Variants in SLC23A2 observed in about 807,000 individuals in gnomAD.
The protein encoded by SLC23A2 is solute carrier family 23 member 2.
SLC23A2 carries 36 observed loss-of-function variants against 73.3 expected under a neutral mutation model. The ratio of observed to expected loss-of-function variants is 0.49; its 90% CI spans 0.38 to 0.65. The LOEUF (loss-of-function observed/expected upper bound fraction) is 0.65, where lower values mean the gene tolerates loss of function less well. SLC23A2 is among the 30% of genes least tolerant of loss of function. The pLI is 0.00. For synonymous variants in SLC23A2, 343 were observed against 327.3 expected (o/e 1.05, Z -0.52); for missense variants, 507 against 841.6 (o/e 0.60, Z 4.92).
Position 4,902,351 on chromosome 20 carries a change from C to A in SLC23A2, c.324+91G>T. On this transcript the variant is annotated intron_variant, in intron 5 of 16. Transcript: ENST00000338244. The surrounding 1 kb of genome is among the most constrained non-coding windows in gnomAD (Gnocchi z 4.0). ...GGAATTTATAAAAGTCTTCAATAAA[C>A]AAAAACCAAAGTGGAATTTTTAAAC... 1 of 760,958 alleles carries A rather than the reference C, an allele frequency of 1.3e-6. No homozygotes were observed. The highest frequency in any genetic ancestry group is 2.4e-5 in the Admixed American group (1 of 41,002). 47.1% of individuals were successfully genotyped at this position (760,958 alleles called of 1,614,324 possible).
rs1930290763 is a variant in SLC23A2 at position 4,868,323 on chromosome 20, C to T, written c.1251-448G>A. Among the ~76,000 whole-genome samples, 1 of 152,184 alleles carries T rather than the reference C, an allele frequency of 6.6e-6. No individual in the cohort carries two copies. Among genetic ancestry groups the T allele is most frequent in the Non-Finnish European group, 1.5e-5 (1 of 68,038 alleles). ...CCTGACCTCAGGGTGATCCGCCTGC[C>T]TCAGCCTCCCAAAATGTTGGGATTA... On this transcript the variant is annotated intron_variant, in intron 12 of 16. Transcript: ENST00000338244. This position sits in a 1 kb window ranked among gnomAD's most constrained non-coding sequence, Gnocchi z 4.4.
chr20:4,977,388 T>A (rs1407524790), intron 1 of SLC23A2, among the ~76,000 whole-genome samples: 4 of 152,028 alleles, frequency 2.6e-5, no homozygotes, highest in African/African-American at 7.2e-5. Context: ...TATTTTTTTT[T>A]AATAAAGACA....
Position 4,852,690 on chromosome 20 carries a change from C to G in SLC23A2, c.*4282G>C, listed in dbSNP as rs1402520334. On this transcript the variant is annotated 3_prime_UTR_variant, in exon 17 of 17. Transcript: ENST00000338244. This position sits in a 1 kb window ranked among gnomAD's most constrained non-coding sequence, Gnocchi z 4.3. ...ATAGGCATCCCCACTGTTTTAAGAA[C>G]AGTCAGAAATGTATTAAGGTGTCAA... 6.6e-6 allele frequency: 1 copy of G among 152,406 alleles called. No homozygotes were observed. Among genetic ancestry groups the G allele is most frequent in the African/African-American group, 2.4e-5 (1 of 41,414 alleles). 9.4% of individuals were successfully genotyped at this position (152,406 alleles called of 1,614,324 possible).
At chr20:4,877,180 TAAA>T (rs1930693053) in intron 9 of SLC23A2, among the ~76,000 whole-genome samples, 1 of 151,884 alleles carries the variant, frequency 6.6e-6, no homozygotes, top group Non-Finnish European at 1.5e-5. Flanking sequence ...AATAAATAAA[TAAA>T]TAAATAAAAA....
intron 15 of SLC23A2, among the ~76,000 whole-genome samples, chr20:4,860,432 T>A (rs1473169820): frequency 6.6e-6 from 1 of 152,202 alleles, no homozygotes; most frequent in Non-Finnish European, 1.5e-5. Context: ...ATCTCACTGT[T>A]TAAAATGTCC....
At chr20:4,907,138 C>T (rs4813723) in intron 4 of SLC23A2, among the ~76,000 whole-genome samples, 64,885 of 151,996 alleles carry the variant, frequency 0.43, 14,432 homozygotes, top group East Asian at 0.53. Context: ...TACCACACAG[C>T]GATCAAGGAA....
intron 2 of SLC23A2, among the ~76,000 whole-genome samples, chr20:4,958,016 G>A (rs2087320285): frequency 6.6e-6 from 1 of 152,094 alleles, no homozygotes; most frequent in South Asian, 2.1e-4. Context: ...AATGTGTGCT[G>A]ACAAGCACAT....
intron 13 of SLC23A2, among the ~76,000 whole-genome samples, chr20:4,864,572 G>T (rs1414727911): frequency 6.6e-6 from 1 of 152,230 alleles, no homozygotes; most frequent in Non-Finnish European, 1.5e-5. Context: ...TTTACTAATG[G>T]CCCTATCTTC....
In SLC23A2 at chr20:4,887,418, G is replaced by A. The variant is rs567186582; in HGVS notation, c.483-1509C>T. Among the ~76,000 whole-genome samples the A allele has an allele frequency of 4.6e-4, 70 of 152,322 alleles. 1 individual carries two copies. The East Asian group carries it at 8.9e-3, about 19-fold the overall frequency. On this transcript the variant is annotated intron_variant, in intron 6 of 16. Transcript: ENST00000338244. The stretch of plus-strand genomic sequence containing the variant: ...TCAGACTTCAACCAGTGCATCCTAG[G>A]GCAGTGGAATACAAATGGTGAATTG...
At chr20:4,992,198 T>C (rs1319754693) in intron 1 of SLC23A2, among the ~76,000 whole-genome samples, 1 of 152,136 alleles carries the variant, frequency 6.6e-6, no homozygotes, top group Non-Finnish European at 1.5e-5. Context: ...AAGCCTACTA[T>C]AAAGTGATTT....
At chr20:4,996,616 G>T (rs1285742474) in intron 1 of SLC23A2, among the ~76,000 whole-genome samples, 3 of 144,458 alleles carry the variant, frequency 2.1e-5, no homozygotes, top group African/African-American at 7.9e-5. Flanking sequence ...AACCCGGGAG[G>T]CAGAAGTTGC....
In SLC23A2 at chr20:4,855,157, G is replaced by A. The variant is rs909461361; in HGVS notation, c.*1815C>T. 6.6e-6 allele frequency: 1 copy of A among 152,566 alleles called. No individual in the cohort carries two copies. Among genetic ancestry groups the A allele is most frequent in the Non-Finnish European group, 1.5e-5 (1 of 68,024 alleles). 9.5% of individuals were successfully genotyped at this position (152,566 alleles called of 1,614,324 possible). ...AAGTTTTTGGCAAAACAATGCAGTG[G>A]CTCCGAGGTGTTCTTGCCAGAATAA... On this transcript the variant is annotated 3_prime_UTR_variant, in exon 17 of 17. Coordinates refer to ENST00000338244, the MANE Select transcript of SLC23A2 (RefSeq NM_005116.6).
At chr20:4,916,376 C>T (rs1479790533) in intron 3 of SLC23A2, among the ~76,000 whole-genome samples, 1 of 152,212 alleles carries the variant, frequency 6.6e-6, no homozygotes, top group Non-Finnish European at 1.5e-5. Flanking sequence ...CCTTCACCTG[C>T]ATTTATCTCG....
chr20:4,968,211 T>C (rs1464004546), intron 2 of SLC23A2, among the ~76,000 whole-genome samples: 2 of 152,116 alleles, frequency 1.3e-5, no homozygotes, highest in Non-Finnish European at 2.9e-5. Context: ...TTGTCAGGAA[T>C]GACTTTTAGG....
chr20:4,921,834 G>A (rs2122917083), intron 3 of SLC23A2, among the ~76,000 whole-genome samples: 1 of 152,142 alleles, frequency 6.6e-6, no homozygotes, highest in South Asian at 2.1e-4. Context: ...CAAAAAAGAG[G>A]CAGAAGAACA....
chr20:4,954,209 GC>G (rs1371479580), intron 2 of SLC23A2, among the ~76,000 whole-genome samples: 11 of 152,198 alleles, frequency 7.2e-5, no homozygotes, highest in Non-Finnish European at 1.3e-4. Context: ...GGATATACAA[GC>G]ATAGGCCCCA....
chr20:5,003,971 C>T (rs2088162532), upstream of SLC23A2, among the ~76,000 whole-genome samples: 1 of 152,126 alleles, frequency 6.6e-6, no homozygotes, highest in East Asian at 1.9e-4. Context: ...CACCCCCCTT[C>T]CCTCTCAGTG....
chr20:4,945,079 A>G (rs915474711), intron 2 of SLC23A2, among the ~76,000 whole-genome samples: 3 of 152,122 alleles, frequency 2.0e-5, no homozygotes, highest in African/African-American at 7.2e-5. Flanking sequence ...GTTACCTAAT[A>G]CACAGAGTCC....
At chr20:5,008,952 C>A (rs1024783302) in intron 1 of SLC23A2, among the ~76,000 whole-genome samples, 2 of 152,092 alleles carry the variant, frequency 1.3e-5, no homozygotes, top group Non-Finnish European at 2.9e-5. Context: ...AAAAAAGCCA[C>A]GTACAGTATT....
Sources: gnomAD v4.1 joint callset for allele counts (sites outside exome capture counted in the v4.1 genomes callset) on GRCh38, gnomAD v4.1.1 for gene constraint, Gnocchi (gnomAD v3.1) non-coding constraint, MANE v1.5 for transcripts, NCBI Gene and HGNC (gene_info 2026-07-23, HGNC 2026-07-21) for gene names.